Variants in DLG2 observed in about 807,000 individuals in gnomAD.
The protein encoded by DLG2 is disks large homolog 2.
A neutral mutation model predicts 132.5 loss-of-function variants in DLG2; 45 were observed. That is an observed-to-expected ratio of 0.34 (90% CI 0.27 to 0.44). The LOEUF (loss-of-function observed/expected upper bound fraction) is 0.44. DLG2 is among the 20% of genes least tolerant of loss of function. The pLI, the probability that DLG2 is intolerant of heterozygous loss-of-function variation, is 1.00. For missense variants in DLG2, 1,045 were observed against 1,196.9 expected (o/e 0.87, Z 1.87); for synonymous variants, 424 against 419.6 (o/e 1.01, Z -0.13).
intron 3 of DLG2, among the ~76,000 whole-genome samples, chr11:85,572,936 G>C (rs2077932266): frequency 6.6e-6 from 1 of 152,182 alleles, no homozygotes; most frequent in Non-Finnish European, 1.5e-5. Flanking sequence ...TGGATCATGG[G>C]GGCAGATCCC....
chr11:84,476,083 A>G (rs1044077165), intron 7 of DLG2, among the ~76,000 whole-genome samples: 1 of 152,112 alleles, frequency 6.6e-6, no homozygotes, highest in African/African-American at 2.4e-5. Context: ...AGATAATAAA[A>G]TTCTAGTTAT....
At chr11:84,047,925 T>C (rs1449565894) in intron 11 of DLG2, among the ~76,000 whole-genome samples, 3 of 151,618 alleles carry the variant, frequency 2.0e-5, no homozygotes, top group South Asian at 2.1e-4. Context: ...TAGTTTGTTC[T>C]TTCATGATAA....
In DLG2 at chr11:84,179,124, A is replaced by G. The variant is rs767738768; in HGVS notation, c.574-15613T>C. ...TTAAAAAAATTAAAGTATGACAACA[A>G]TGACACATCAAATTGAAAATATTAA... On this transcript the variant is annotated intron_variant, in intron 8 of 27. Coordinates refer to ENST00000376104, the MANE Select transcript of DLG2 (RefSeq NM_001142699.3). 3.3e-5 allele frequency among the ~76,000 whole-genome samples: 5 copies of G among 152,272 alleles called. No individual in the cohort carries two copies. In the South Asian group the frequency reaches 6.2e-4, roughly 19 times the overall value.
intron 6 of DLG2, among the ~76,000 whole-genome samples, chr11:84,842,528 T>C (rs551824625): frequency 2.7e-4 from 41 of 152,058 alleles, no homozygotes; most frequent in Admixed American, 4.6e-4. Context: ...AAAAAATCAA[T>C]AGTTCATCCT....
intron 6 of DLG2, among the ~76,000 whole-genome samples, chr11:84,714,623 T>TTCTCTCTCTCTCTCTCTC (rs1284319609): frequency 1.9e-5 from 2 of 105,040 alleles, no homozygotes; most frequent in African/African-American, 8.5e-5. Flanking sequence ...CTCTTTCTCT[T>TTCTCTCTCTCTCTCTCTC]TCTCTCTCTC....
intron 9 of DLG2, among the ~76,000 whole-genome samples, chr11:84,114,025 T>C (rs992675117): frequency 9.9e-5 from 15 of 152,172 alleles, no homozygotes; most frequent in African/African-American, 3.6e-4. Flanking sequence ...ATTAAAAAGA[T>C]TTCGAAAATG....
At chr11:84,126,536 G>T (rs943776996) in intron 9 of DLG2, among the ~76,000 whole-genome samples, 20 of 152,064 alleles carry the variant, frequency 1.3e-4, no homozygotes, top group African/African-American at 4.6e-4. Flanking sequence ...TGTATATAAA[G>T]ATTTTAAAAC....
intron 21 of DLG2, among the ~76,000 whole-genome samples, chr11:83,530,342 C>CTT (rs1474899939): frequency 6.6e-6 from 1 of 151,786 alleles, no homozygotes; most frequent in African/African-American, 2.4e-5. Flanking sequence ...GACTGGGCTC[C>CTT]CTTATGATTC....
Position 83,633,207 on chromosome 11 carries a change from C to G in DLG2, c.1940+4G>C, listed in dbSNP as rs1341642006. On this transcript the variant is annotated splice_donor_region_variant and intron_variant, in intron 19 of 27. Coordinates refer to ENST00000376104, the MANE Select transcript of DLG2 (RefSeq NM_001142699.3). ...TGCAGATAGAGAAATACTCCTTTGC[C>G]TACCTGACGTAGAGGGAGCGTTTCT... The G allele has an allele frequency of 6.2e-7, 1 of 1,613,344 alleles. No individual in the cohort carries two copies. Among genetic ancestry groups the G allele is most frequent in the Non-Finnish European group, 8.5e-7 (1 of 1,179,434 alleles).
At chr11:85,093,631 T>C (rs1209020597) in intron 6 of DLG2, among the ~76,000 whole-genome samples, 1 of 152,102 alleles carries the variant, frequency 6.6e-6, no homozygotes, top group Non-Finnish European at 1.5e-5. Flanking sequence ...TGGTGACAGG[T>C]GAAAGAACGT....
intron 7 of DLG2, among the ~76,000 whole-genome samples, chr11:84,308,017 A>T (rs1460522257): frequency 6.6e-6 from 1 of 152,202 alleles, no homozygotes; most frequent in Non-Finnish European, 1.5e-5. Context: ...AAGAGTGAGC[A>T]GCAGCAAGAT....
chr11:85,110,335 T>C (rs1006068566), intron 6 of DLG2, among the ~76,000 whole-genome samples: 7 of 152,034 alleles, frequency 4.6e-5, no homozygotes, highest in East Asian at 3.9e-4. Flanking sequence ...CAAGAATCAC[T>C]TGAATCCAGG....
chr11:83,743,428 C>CG (rs1214648252), intron 18 of DLG2, among the ~76,000 whole-genome samples: 1 of 58,274 alleles, frequency 1.7e-5, no homozygotes, highest in African/African-American at 1.5e-4. Context: ...GTGGGCAGGC[C>CG]ATTTTTTTTT....
At chr11:83,850,431 T>G (rs1019186041) in intron 16 of DLG2, among the ~76,000 whole-genome samples, 11 of 151,892 alleles carry the variant, frequency 7.2e-5, no homozygotes, top group Non-Finnish European at 1.5e-4. Context: ...GGGATTACAG[T>G]CATGAGCCAC....
Position 85,154,635 on chromosome 11 carries a change from C to G in DLG2, c.203G>C (p.Gly68Ala). 6.6e-7 allele frequency: 1 copy of G among 1,510,200 alleles called. No homozygotes were observed. 93.5% of individuals were successfully genotyped at this position (1,510,200 alleles called of 1,614,324 possible). The change falls in exon 5 of 28, where the codon GGA becomes GCA. Residue 68 changes from glycine (G) to alanine (A), a missense_variant. By Grantham distance (60) the Gly-to-Ala change is moderately conservative (BLOSUM62 0). Around this residue, in one of 4 missense-constraint regions of DLG2, gnomAD observed 277 missense variants for 238.2 expected, o/e 1.16. Coordinates refer to ENST00000376104, the MANE Select transcript of DLG2 (RefSeq NM_001142699.3). The stretch of plus-strand genomic sequence containing the variant: ...AATACATGAAGCATTTTCCTTTGAT[C>G]CACTGCAATCTGTAAGCTAAAATAA... ...QKSSELTDCS[G>A]SKENASCIEQ...
intron 3 of DLG2, among the ~76,000 whole-genome samples, chr11:85,322,147 C>G (rs2081117012): frequency 6.6e-6 from 1 of 152,086 alleles, no homozygotes; most frequent in African/African-American, 2.4e-5. Context: ...ACCTTCTGGT[C>G]ACCATATCCT....
chr11:83,745,537 A>C (rs1322631668), intron 18 of DLG2, among the ~76,000 whole-genome samples: 1 of 152,148 alleles, frequency 6.6e-6, no homozygotes, highest in Non-Finnish European at 1.5e-5. Context: ...GTAGCTGAGC[A>C]CAGTGGCTGT....
chr11:84,684,872 T>A (rs992606717), intron 6 of DLG2, among the ~76,000 whole-genome samples: 1 of 152,346 alleles, frequency 6.6e-6, no homozygotes, highest in African/African-American at 2.4e-5. Context: ...TGTTCCCAGA[T>A]ACAGAATTAA....
rs137990408 is a variant in DLG2 at position 84,474,845 on chromosome 11, T to C, written c.519+59725A>G. 2.0e-5 allele frequency among the ~76,000 whole-genome samples: 3 copies of C among 152,138 alleles called. No homozygotes were observed. In the East Asian group the frequency reaches 5.8e-4, roughly 30 times the overall value. The stretch of plus-strand genomic sequence containing the variant: ...ATTTGTCAAATTCAAGTGAATATAA[T>C]AGAATCAAAGGGAGGTCATATTAAC... On this transcript the variant is annotated intron_variant, in intron 7 of 27. Transcript: ENST00000376104.
Sources: allele counts gnomAD v4.1 joint callset (sites outside exome capture counted in the v4.1 genomes callset), GRCh38; gene constraint gnomAD v4.1.1; regional missense constraint gnomAD v4.1.1; transcripts MANE v1.5; gene names NCBI Gene and HGNC (gene_info 2026-07-23, HGNC 2026-07-21).